The following SYNE1 variants were observed in gnomAD, a reference collection of about 807,000 sequenced individuals.
SYNE1 encodes spectrin repeat containing nuclear envelope protein 1.
SYNE1 carries 616 observed loss-of-function variants against 1,111.0 expected under a neutral mutation model. The ratio of observed to expected loss-of-function variants is 0.55; its 90% CI spans 0.52 to 0.59. SYNE1 has a LOEUF of 0.59. Among genes scored for constraint, SYNE1 ranks in the 20% least tolerant of loss-of-function variants. The pLI is 0.00. For synonymous variants in SYNE1, 3,855 were observed against 3,825.8 expected (o/e 1.01, Z -0.28); for missense variants, 10,006 against 10,417.0 (o/e 0.96, Z 1.72).
At position 152,233,802 on chromosome 6, in the gene SYNE1, G is replaced by A. The variant is rs775882254; in HGVS notation, c.20691C>T (p.Ala6897=). 1.3e-5 allele frequency: 21 copies of A among 1,614,038 alleles called. No homozygotes were observed. Among genetic ancestry groups the A allele is most frequent in the South Asian group, 3.3e-5 (3 of 91,080 alleles). Residue 6897 remains alanine, a synonymous_variant, in exon 112 of 146, where the codon GCC becomes GCT. Coordinates refer to ENST00000367255, the MANE Select transcript of SYNE1 (RefSeq NM_182961.4). ...GTACCTGGTGGAGCTTCTCCTGGACGGCTGGGATATTGGTTAGCAGGTCAG... is the reference window on the plus strand; with the variant it reads ...GTACCTGGTGGAGCTTCTCCTGGACAGCTGGGATATTGGTTAGCAGGTCAG... ...QWTDLLTNIP[A]VQEKLHQLQM...
In SYNE1 at chr6:152,337,438, C is replaced by T. The variant is rs57786888; in HGVS notation, c.12352-421G>A. 7.5e-4 allele frequency among the ~76,000 whole-genome samples: 114 copies of T among 152,222 alleles called. No individual in the cohort carries two copies. The East Asian group carries it at 0.015, about 20-fold the overall frequency. On this transcript the variant is annotated intron_variant, in intron 75 of 145. Coordinates refer to ENST00000367255, the MANE Select transcript of SYNE1 (RefSeq NM_182961.4). Reference sequence around the variant, plus strand: ...CTGAGTAGCTGGGATTACAGGCTTGCGCCGTCACACCCAACTAATTTTGTA... The same window carrying T: ...CTGAGTAGCTGGGATTACAGGCTTGTGCCGTCACACCCAACTAATTTTGTA...
rs192244997 is a variant in SYNE1, at chr6:152,505,493, G to A, written c.582-96C>T. The A allele has an allele frequency of 2.0e-5, 25 of 1,272,796 alleles. No individual in the cohort carries two copies. The Admixed American group carries it at 3.1e-4, about 16-fold the overall frequency. 78.8% of individuals were successfully genotyped at this position (1,272,796 alleles called of 1,614,324 possible). On this transcript the variant is annotated intron_variant, in intron 8 of 145. Transcript: ENST00000367255. ...GCAAAATCCAGTGCTTTTCACCAAC[G>A]ATATGCAGAGAGCTGTATCAGTTCA... is the stretch of plus-strand genomic sequence containing the variant.
At chr6:152,266,884 G>A (rs2092755229) in intron 100 of SYNE1, among the ~76,000 whole-genome samples, 1 of 151,980 alleles carries the variant, frequency 6.6e-6, no homozygotes, top group Admixed American at 6.6e-5. Flanking sequence ...TGTCAGCACT[G>A]ATTAAACTGC....
intron 32 of SYNE1, among the ~76,000 whole-genome samples, chr6:152,437,711 T>C (rs2098486478): frequency 6.6e-6 from 1 of 152,264 alleles, no homozygotes; most frequent in Non-Finnish European, 1.5e-5. Flanking sequence ...AAAATGTACT[T>C]GGTATCTCAC....
chr6:152,430,797 T>C lies in SYNE1; in HGVS notation c.4462-88A>G, dbSNP rs376999862. 6.8e-4 allele frequency: 852 copies of C among 1,245,198 alleles called. 14 individuals are homozygous for C. The South Asian group carries it at 1.0e-2, about 15-fold the overall frequency. The allele number at this position is 1,245,198 out of a possible 1,614,324, so 77.1% of individuals were successfully genotyped here. On this transcript the variant is annotated intron_variant, in intron 34 of 145. Transcript: ENST00000367255. ...ACAATTATCTGCAAAGAGGGAATAT[T>C]TTCTTAACTGATATTTGAAGACTTG...
In SYNE1 at chr6:152,329,791, T is replaced by C. The variant is rs200762190; in HGVS notation, c.14894A>G (p.His4965Arg). The change falls in exon 78 of 146, where the codon CAC (histidine) becomes CGC (arginine). Residue 4965 changes from histidine to arginine, a missense_variant. By Grantham distance (29) the His-to-Arg change is conservative. This residue lies in a region of SYNE1 where 4,955 missense variants were observed against 5,017.2 expected (regional missense o/e 0.99). Coordinates refer to ENST00000367255, the MANE Select transcript of SYNE1 (RefSeq NM_182961.4). The stretch of plus-strand genomic sequence containing the variant: ...CAGCTCTGAGAGCTCAGCGAGGCTG[T>C]GTTCTAAATCCGCAGAAATCAGCTC... ...AKELISADLE[H>R]SLAELSELDG... 6.2e-7 allele frequency: 1 copy of C among 1,614,212 alleles called. No individual in the cohort carries two copies.
intron 113 of SYNE1, among the ~76,000 whole-genome samples, chr6:152,231,835 A>G (rs182395245): frequency 6.6e-6 from 1 of 152,164 alleles, no homozygotes; most frequent in African/African-American, 2.4e-5. Flanking sequence ...ATTTAGAACT[A>G]GATAAATTAT....
rs542281911 is a variant in SYNE1, at chr6:152,164,728, A to G, written c.23628-403T>C. Among the ~76,000 whole-genome samples the G allele has an allele frequency of 1.6e-4, 24 of 152,312 alleles. 1 individual carries two copies. The East Asian group carries it at 4.6e-3, about 29-fold the overall frequency. ...TGAGTGTACACAGATTGCTCTAAAG[A>G]GAAAGGTCATGGTGATAATAAGCAT... On this transcript the variant is annotated intron_variant, in intron 130 of 145. Coordinates refer to ENST00000367255, the MANE Select transcript of SYNE1 (RefSeq NM_182961.4).
intron 131 of SYNE1, among the ~76,000 whole-genome samples, chr6:152,157,947 CG>C (rs1563098466): frequency 6.6e-6 from 1 of 151,930 alleles, no homozygotes; most frequent in African/African-American, 2.4e-5. Flanking sequence ...TTAGTAGAGA[CG>C]GGGTTTCCCC....
At chr6:152,214,107 A>T (rs1454643839) in intron 122 of SYNE1, among the ~76,000 whole-genome samples, 1 of 151,614 alleles carries the variant, frequency 6.6e-6, no homozygotes, top group African/African-American at 2.4e-5. Context: ...ATGCTGAGAC[A>T]GGAGAATTGC....
At chr6:152,203,650 A>T (rs1180551020) in intron 126 of SYNE1, among the ~76,000 whole-genome samples, 1 of 152,174 alleles carries the variant, frequency 6.6e-6, no homozygotes, top group African/African-American at 2.4e-5. Context: ...TTTGAGCATA[A>T]CAACCCAGAG....
intron 3 of SYNE1, among the ~76,000 whole-genome samples, chr6:152,567,597 C>T (rs1435451039): frequency 1.3e-5 from 2 of 152,104 alleles, no homozygotes; most frequent in African/African-American, 4.8e-5. Context: ...TTTCAACTGC[C>T]ATGATGTCTC....
chr6:152,498,606 G>A, intron 11 of SYNE1, 136 bp downstream of exon 11: 1 of 526,280 alleles, frequency 1.9e-6, no homozygotes, highest in Non-Finnish European at 3.3e-6. Context: ...TGTTAGAAAG[G>A]AAACGCAAAT....
rs140172382 is a variant in SYNE1, at chr6:152,591,240, C to T, written c.67+37025G>A. ...CTGAAGAACAAAGCCGGAGTTATCA[C>T]ACTACCCATCTTTAAACTATACTAT... On this transcript the variant is annotated intron_variant, in intron 3 of 145. Transcript: ENST00000367255. Among the ~76,000 whole-genome samples, 42 of 152,260 alleles carry T rather than the reference C, an allele frequency of 2.8e-4. No homozygotes were observed. The East Asian group carries it at 7.9e-3, about 29-fold the overall frequency.
At chr6:152,508,967 C>T (rs936865473) in intron 8 of SYNE1, among the ~76,000 whole-genome samples, 2 of 152,054 alleles carry the variant, frequency 1.3e-5, no homozygotes, top group African/African-American at 4.8e-5. Context: ...AAAAATAGAA[C>T]TCCCTATGTT....
In SYNE1 at chr6:152,522,675, G is replaced by A. The variant is rs1267631163; in HGVS notation, c.226-2133C>T. 2.0e-5 allele frequency among the ~76,000 whole-genome samples: 3 copies of A among 152,098 alleles called. No homozygotes were observed. The East Asian group carries it at 5.8e-4, about 29-fold the overall frequency. On this transcript the variant is annotated intron_variant, in intron 5 of 145. Coordinates refer to ENST00000367255, the MANE Select transcript of SYNE1 (RefSeq NM_182961.4). ...GTATTAATTTACATTCCCACCAGCA[G>A]TGTATAAGCGTTCCCTTTACAACAC...
rs140359400 is a variant in SYNE1 at position 152,334,188 on chromosome 6, G to A, written c.12614C>T (p.Ser4205Leu). Residue 4205 changes from serine to leucine, a missense_variant, in exon 77 of 146, where the codon TCG becomes TTG. Transcript: ENST00000367255. ...ATGATTTATTTCCTTGTGTTCAGGC[G>A]ATTCCTCCTTCTTTGTTAACTTATT... Reference protein sequence around the residue: ...KVNKLTKKEESPEHKEINHLN... With the variant: ...KVNKLTKKEELPEHKEINHLN... 2.1e-4 allele frequency: 341 copies of A among 1,614,086 alleles called. No individual in the cohort carries two copies. In the African/African-American group the frequency reaches 3.6e-3, roughly 17 times the overall value.
Position 152,300,748 on chromosome 6 carries a change from G to A in SYNE1, c.17575C>T (p.Pro5859Ser), listed in dbSNP as rs1562895520. ...TCCTCCCCAGACTCCTCAGTGACCG[G>A]TGACAGCAAAGTGTGACAGCGACCT... is the stretch of plus-strand genomic sequence containing the variant. The part of the protein sequence containing the change: ...TAGRCHTLLS[P>S]VTEESGEEGT... The change falls in exon 93 of 146, where the codon CCG becomes TCG. Residue 5859 changes from proline to serine, a missense_variant. Pro to Ser is a moderately conservative substitution (Grantham distance 74, BLOSUM62 -1). Transcript: ENST00000367255. 6.2e-7 allele frequency: 1 copy of A among 1,614,210 alleles called. No individual in the cohort carries two copies. Among genetic ancestry groups the A allele is most frequent in the Non-Finnish European group, 8.5e-7 (1 of 1,180,026 alleles).
rs762478435 is a variant in SYNE1 at position 152,302,004 on chromosome 6, G to A, written c.17406C>T (p.Cys5802=). 6.2e-7 allele frequency: 1 copy of A among 1,614,246 alleles called. No homozygotes were observed. Among genetic ancestry groups the A allele is most frequent in the Non-Finnish European group, 8.5e-7 (1 of 1,180,044 alleles). ...QEQIASLNSK[C]KMLTMKAKHA... ...GCTTGGCTTTCATCGTCAGCATCTT[G>A]CACTTGGAATTCAAAGAAGCGATCT... Residue 5802 remains cysteine (C), a synonymous_variant, in exon 92 of 146, where the codon TGC becomes TGT. Coordinates refer to ENST00000367255, the MANE Select transcript of SYNE1 (RefSeq NM_182961.4).
Sources: allele counts gnomAD v4.1 joint callset (sites outside exome capture counted in the v4.1 genomes callset), GRCh38; gene constraint gnomAD v4.1.1; regional missense constraint gnomAD v4.1.1; transcripts MANE v1.5; gene names NCBI Gene and HGNC (gene_info 2026-07-23, HGNC 2026-07-21).